The following NLGN1 variants were observed in gnomAD, a reference collection of about 807,000 sequenced individuals.
NLGN1 encodes the protein neuroligin 1.
A neutral mutation model predicts 65.5 loss-of-function variants in NLGN1; 12 were observed. The ratio of observed to expected loss-of-function variants is 0.18; its 90% CI spans 0.12 to 0.30. NLGN1 has a LOEUF of 0.30. Among genes scored for constraint, NLGN1 ranks in the 10% least tolerant of loss-of-function variants. The pLI, the probability that NLGN1 is intolerant of heterozygous loss-of-function variation, is 1.00. For missense variants in NLGN1, 750 were observed against 1,007.1 expected (o/e 0.74, Z 3.46); for synonymous variants, 350 against 359.5 (o/e 0.97, Z 0.30).
intron 4 of NLGN1, among the ~76,000 whole-genome samples, chr3:174,014,233 A>C (rs1472131043): frequency 1.3e-5 from 2 of 152,232 alleles, no homozygotes; most frequent in Non-Finnish European, 2.9e-5. Context: ...ATATCTTAGG[A>C]TATGTAAACT....
intron 2 of NLGN1, among the ~76,000 whole-genome samples, chr3:173,448,609 A>G (rs1476298611): frequency 3.9e-5 from 6 of 152,066 alleles, no homozygotes; most frequent in Non-Finnish European, 8.8e-5. Flanking sequence ...CTCTTTTTCT[A>G]TTGACTGGAA....
rs138995737 is a variant in NLGN1 at position 173,896,472 on chromosome 3, C to G, written c.646+88640C>G. ...TGTGAAAAGGCTAGGAATAGACTTA[C>G]ATTTCTCCTGTAGCAGTTTTAGAAT... On this transcript the variant is annotated intron_variant, in intron 4 of 6. Transcript: ENST00000457714. Among the ~76,000 whole-genome samples the G allele has an allele frequency of 6.5e-4, 99 of 152,266 alleles. 1 individual carries two copies. Among genetic ancestry groups the G allele is most frequent in the Non-Finnish European group, 1.0e-3 (68 of 68,022 alleles).
chr3:174,069,619 C>A (rs1580123874), intron 4 of NLGN1, among the ~76,000 whole-genome samples: 1 of 152,142 alleles, frequency 6.6e-6, no homozygotes, highest in East Asian at 1.9e-4. Flanking sequence ...TGGTTGTAGA[C>A]AGCTGGGCAG....
intron 2 of NLGN1, among the ~76,000 whole-genome samples, chr3:173,517,506 A>G (rs1300186382): frequency 2.6e-5 from 4 of 152,074 alleles, no homozygotes; most frequent in East Asian, 1.9e-4. Flanking sequence ...AAAACATACA[A>G]TGGACTAATA....
chr3:174,187,005 T>TA (rs1452662047), intron 4 of NLGN1, among the ~76,000 whole-genome samples: 18 of 152,204 alleles, frequency 1.2e-4, no homozygotes, highest in African/African-American at 4.3e-4. Context: ...GCATATAACC[T>TA]ATACACATCC....
At chr3:173,630,423 G>A (rs929768347) in intron 3 of NLGN1, among the ~76,000 whole-genome samples, 16 of 151,666 alleles carry the variant, frequency 1.1e-4, no homozygotes, top group African/African-American at 2.7e-4. Context: ...CATAAAGCTC[G>A]GTATAAGCTA....
upstream of NLGN1, among the ~76,000 whole-genome samples, chr3:173,395,984 G>A (rs938081554): frequency 1.3e-5 from 2 of 152,130 alleles, no homozygotes; most frequent in African/African-American, 4.8e-5. Flanking sequence ...CACGGAGTGA[G>A]GGGAGAGGGA....
intron 1 of NLGN1, among the ~76,000 whole-genome samples, chr3:173,400,329 C>G (rs904625067): frequency 6.6e-6 from 1 of 152,072 alleles, no homozygotes; most frequent in African/African-American, 2.4e-5. Context: ...TATTACATGC[C>G]AAAGTCCACA....
chr3:174,283,150 A>AAAAG (rs1249312290), exon 7 of NLGN1: 1 of 151,732 alleles, frequency 6.6e-6, no homozygotes, highest in Non-Finnish European at 1.5e-5. Flanking sequence ...GAAAAAAAGG[A>AAAAG]AAAGAAGAAC....
intron 4 of NLGN1, among the ~76,000 whole-genome samples, chr3:173,999,921 A>C (rs917639158): frequency 1.3e-5 from 2 of 152,158 alleles, no homozygotes; most frequent in Non-Finnish European, 2.9e-5. Context: ...CAATGTAGTA[A>C]CTGCCTGAAT....
chr3:173,963,020 C>G (rs1180793841), intron 4 of NLGN1, among the ~76,000 whole-genome samples: 1 of 152,092 alleles, frequency 6.6e-6, no homozygotes, highest in Non-Finnish European at 1.5e-5. Context: ...TATGGAACCT[C>G]ATAATCTTAC....
chr3:173,752,182 C>T (rs904688324), intron 3 of NLGN1, among the ~76,000 whole-genome samples: 1 of 152,084 alleles, frequency 6.6e-6, no homozygotes, highest in African/African-American at 2.4e-5. Flanking sequence ...CCTCTTCTGC[C>T]AGACTTCTGA....
At chr3:173,509,676 T>C (rs965873214) in intron 2 of NLGN1, among the ~76,000 whole-genome samples, 1 of 152,114 alleles carries the variant, frequency 6.6e-6, no homozygotes, top group African/African-American at 2.4e-5. Flanking sequence ...TTTTAAATGA[T>C]TTTTTTCACT....
chr3:173,685,411 C>T (rs1182648373), intron 3 of NLGN1, among the ~76,000 whole-genome samples: 3 of 152,122 alleles, frequency 2.0e-5, no homozygotes, highest in Admixed American at 6.6e-5. Flanking sequence ...GTTTTAAATG[C>T]ATCAATAATT....
chr3:173,472,664 T>C (rs998793565), intron 2 of NLGN1, among the ~76,000 whole-genome samples: 1 of 152,078 alleles, frequency 6.6e-6, no homozygotes, highest in Non-Finnish European at 1.5e-5. Context: ...ATTAATACTT[T>C]CCCTTTTTAT....
At chr3:173,987,884 C>A (rs1287105950) in intron 4 of NLGN1, among the ~76,000 whole-genome samples, 1 of 152,160 alleles carries the variant, frequency 6.6e-6, no homozygotes, top group Non-Finnish European at 1.5e-5. Flanking sequence ...CAGTTGTAGT[C>A]ATGGCTTTAC....
rs1777028571 is a variant in NLGN1, at chr3:173,755,853, A to G, written c.494-51827A>G. Among the ~76,000 whole-genome samples, 4 of 152,256 alleles carry G rather than the reference A, an allele frequency of 2.6e-5. No homozygotes were observed. In the South Asian group the frequency reaches 8.3e-4, roughly 32 times the overall value. On this transcript the variant is annotated intron_variant, in intron 3 of 6. Coordinates refer to ENST00000457714, the Ensembl canonical transcript of NLGN1. ...GTGTTTAGCAAATTTAAGTGCATTA[A>G]CAGTTTTCCTTACATATTTCTACTG...
intron 4 of NLGN1, among the ~76,000 whole-genome samples, chr3:174,024,950 G>A (rs1007444190): frequency 6.6e-6 from 1 of 152,010 alleles, no homozygotes; most frequent in Non-Finnish European, 1.5e-5. Flanking sequence ...AAAATTAAAC[G>A]TTCACCTCTA....
chr3:173,785,222 C>T (rs997001407), intron 3 of NLGN1, among the ~76,000 whole-genome samples: 2 of 152,186 alleles, frequency 1.3e-5, no homozygotes, highest in Non-Finnish European at 2.9e-5. Flanking sequence ...GGCGCCATCA[C>T]CCTTGGATCA....
Sources: gnomAD v4.1 joint callset for allele counts (sites outside exome capture counted in the v4.1 genomes callset) on GRCh38, gnomAD v4.1.1 for gene constraint, MANE v1.5 for transcripts, NCBI Gene and HGNC (gene_info 2026-07-23, HGNC 2026-07-21) for gene names.